SHTN1: variants seen among roughly 807,000 people sequenced by gnomAD.
The protein encoded by SHTN1 is shootin 1, also known as shootin-1.
A neutral mutation model predicts 83.1 loss-of-function variants in SHTN1; 42 were observed. The observed-to-expected ratio is 0.51, with a 90% confidence interval of 0.39 to 0.65. The LOEUF is 0.65. Ranked by LOEUF, SHTN1 falls within the 30% of genes least tolerant of loss-of-function variation. The probability of loss-of-function intolerance (pLI) is 0.00; values close to 1 mark genes in which losing one functional copy is unlikely to be tolerated. For missense variants in SHTN1, 622 were observed against 737.8 expected (o/e 0.84, Z 1.82); for synonymous variants, 224 against 247.7 (o/e 0.90, Z 0.90).
intron 1 of SHTN1, among the ~76,000 whole-genome samples, chr10:117,057,107 A>G (rs966016769): frequency 2.6e-4 from 40 of 152,318 alleles, no homozygotes; most frequent in African/African-American, 9.4e-4. Context: ...GACTGTTTAC[A>G]TAGAAAATCT....
intron 1 of SHTN1, among the ~76,000 whole-genome samples, chr10:117,100,127 A>C (rs922286814): frequency 3.3e-5 from 5 of 152,186 alleles, no homozygotes; most frequent in Admixed American, 6.5e-5. Context: ...CGGTGAGCCG[A>C]GATAGCGCCA....
At chr10:116,905,669 G>C (rs1455443346) in intron 15 of SHTN1, among the ~76,000 whole-genome samples, 2 of 152,156 alleles carry the variant, frequency 1.3e-5, no homozygotes, top group South Asian at 4.2e-4. Context: ...TTTGGTCAAT[G>C]TGACTCAGCA....
intron 12 of SHTN1, among the ~76,000 whole-genome samples, chr10:116,917,831 TCA>T (rs1374724642): frequency 6.6e-6 from 1 of 152,218 alleles, no homozygotes; most frequent in African/African-American, 2.4e-5. Flanking sequence ...CTTTAATTTC[TCA>T]GTCTTTTTCA....
chr10:116,979,805 A>G (rs933561451), intron 1 of SHTN1, among the ~76,000 whole-genome samples: 2 of 152,232 alleles, frequency 1.3e-5, no homozygotes, highest in African/African-American at 4.8e-5. Context: ...TATTGTAATC[A>G]GAGATTTATT....
At chr10:117,041,033 G>A (rs972707187) in intron 2 of SHTN1, among the ~76,000 whole-genome samples, 2 of 151,850 alleles carry the variant, frequency 1.3e-5, no homozygotes, top group Admixed American at 1.3e-4. Flanking sequence ...GTGCCATGTT[G>A]GTGTGCTGCA....
chr10:117,097,744 TAA>T lies in SHTN1; in HGVS notation c.-189+28561_-189+28562del, dbSNP rs536018102. On this transcript the variant is annotated intron_variant, in intron 1 of 17. Coordinates refer to the SHTN1 transcript ENST00000392901. Reference sequence around the variant, plus strand: ...TGTATTTGAGAACTCACTACCCAAATAAAAAAAGTTTCCATTACATCTTTAAC... The same window carrying T: ...TGTATTTGAGAACTCACTACCCAAATAAAAAGTTTCCATTACATCTTTAAC... 9.4e-4 allele frequency among the ~76,000 whole-genome samples: 143 copies of T among 152,248 alleles called. 2 individuals carry two copies. In the South Asian group the frequency reaches 0.022, roughly 24 times the overall value.
chr10:117,007,932 C>G (rs1478134772), upstream of SHTN1, among the ~76,000 whole-genome samples: 3 of 149,976 alleles, frequency 2.0e-5, no homozygotes, highest in Admixed American at 6.7e-5. Flanking sequence ...CACTTGAACC[C>G]GAGAGGCGAA....
intron 1 of SHTN1, among the ~76,000 whole-genome samples, chr10:116,996,707 A>G (rs547333760): frequency 1.3e-5 from 2 of 152,322 alleles, no homozygotes; most frequent in Non-Finnish European, 2.9e-5. Context: ...AACATTAAAG[A>G]GATCACCCAT....
At chr10:116,902,396 A>C (rs1384622568) in intron 15 of SHTN1, among the ~76,000 whole-genome samples, 3 of 152,234 alleles carry the variant, frequency 2.0e-5, no homozygotes, top group African/African-American at 7.2e-5. Context: ...AGGCTCATGA[A>C]GGCTTCTTGA....
In SHTN1 at chr10:116,886,064, T is replaced by C. The variant is rs996081501; in HGVS notation, c.*280A>G. ...TAAAAAGGTATCAACATCTGAATTT[T>C]TTTGTAACCTTCTAAAAGAAGTCAT... On this transcript the variant is annotated 3_prime_UTR_variant, in exon 17 of 17. Transcript: ENST00000355371. The C allele has an allele frequency of 7.3e-6, 3 of 410,058 alleles. No homozygotes were observed. The highest frequency in any genetic ancestry group is 6.0e-5 in the African/African-American group (3 of 49,934). The allele number at this position is 410,058 out of a possible 1,614,324, so 25.4% of individuals were successfully genotyped here. A position where few individuals can be genotyped will look rare whatever the true frequency, so the allele number is the denominator to read the frequency against.
intron 1 of SHTN1, among the ~76,000 whole-genome samples, chr10:117,085,931 T>TG (rs1323004524): frequency 4.0e-5 from 6 of 149,590 alleles, no homozygotes; most frequent in African/African-American, 1.2e-4. Context: ...TTTTTTTTTT[T>TG]TTTTTTTGAG....
chr10:117,016,303 G>T (rs1387194001), intron 2 of SHTN1, among the ~76,000 whole-genome samples: 1 of 152,114 alleles, frequency 6.6e-6, no homozygotes, highest in East Asian at 1.9e-4. Context: ...TCCCAATTTG[G>T]CTTGATTTAG....
At chr10:117,022,949 A>G (rs1167673149) in intron 2 of SHTN1, among the ~76,000 whole-genome samples, 1 of 152,172 alleles carries the variant, frequency 6.6e-6, no homozygotes, top group Non-Finnish European at 1.5e-5. Flanking sequence ...CAAGTGTATC[A>G]AAACCTTGGC....
At chr10:116,991,353 AAAG>A (rs1472470992) in intron 1 of SHTN1, among the ~76,000 whole-genome samples, 1 of 152,154 alleles carries the variant, frequency 6.6e-6, no homozygotes, top group Non-Finnish European at 1.5e-5. Flanking sequence ...GGTCATTTGT[AAAG>A]AAGTTTATTT....
intron 16 of SHTN1, among the ~76,000 whole-genome samples, chr10:116,887,020 GGGGA>G (rs1450689387): frequency 1.3e-5 from 2 of 152,118 alleles, no homozygotes; most frequent in African/African-American, 4.8e-5. Context: ...GCAGGGACAA[GGGGA>G]GTAATCACCC....
chr10:117,083,656 ATCACT>A (rs1042909198), intron 1 of SHTN1, among the ~76,000 whole-genome samples: 5 of 151,368 alleles, frequency 3.3e-5, no homozygotes, highest in Admixed American at 1.3e-4. Context: ...CATTCTCCCC[ATCACT>A]TTCAGGTACA....
At chr10:117,005,297 G>A, upstream of SHTN1, 2 of 1,421,614 alleles carry the variant, frequency 1.4e-6, no homozygotes, top group African/African-American at 1.4e-5. Flanking sequence ...AGGCGGGGCG[G>A]GGCGGGCCCA....
At chr10:117,046,516 C>T (rs987102649) in intron 2 of SHTN1, among the ~76,000 whole-genome samples, 2 of 152,170 alleles carry the variant, frequency 1.3e-5, no homozygotes, top group African/African-American at 4.8e-5. Flanking sequence ...AGAACTTCCT[C>T]TGCTATGTAT....
intron 1 of SHTN1, among the ~76,000 whole-genome samples, chr10:117,071,472 G>T (rs142274718): frequency 6.6e-6 from 1 of 152,292 alleles, no homozygotes; most frequent in East Asian, 1.9e-4. Context: ...TCACATAAAT[G>T]AGGAAACTGG....
Sources: allele counts gnomAD v4.1 joint callset (sites outside exome capture counted in the v4.1 genomes callset), GRCh38; gene constraint gnomAD v4.1.1; transcripts MANE v1.5; gene names NCBI Gene and HGNC (gene_info 2026-07-23, HGNC 2026-07-21).